The following CHIC2 variants were observed in gnomAD, a reference collection of about 807,000 sequenced individuals.
The protein encoded by CHIC2 is cysteine rich hydrophobic domain 2.
CHIC2 carries 14 observed loss-of-function variants against 25.9 expected under a neutral mutation model. The observed-to-expected ratio is 0.54, with a 90% CI of 0.36 to 0.85. The LOEUF (loss-of-function observed/expected upper bound fraction) is 0.85. Ranked by LOEUF, CHIC2 falls within the 40% of genes least tolerant of loss-of-function variation. The probability of loss-of-function intolerance (pLI) is 0.01; values close to 1 mark genes in which losing one functional copy is unlikely to be tolerated. For missense variants in CHIC2, 146 were observed against 202.0 expected (o/e 0.72, Z 1.68); for synonymous variants, 70 against 72.0 (o/e 0.97, Z 0.14).
At position 54,047,543 on chromosome 4, in the gene CHIC2, G is replaced by A. The variant is rs577504990; in HGVS notation, c.330+1412C>T. Among the ~76,000 whole-genome samples the A allele has an allele frequency of 1.6e-3, 239 of 150,354 alleles. 1 individual carries two copies. In the South Asian group the frequency reaches 0.024, roughly 15 times the overall value. ...AAACCATCATTCTCAGCAAACTATCGCAAGGACAAAAAACCAAACACCGCA... is the reference window on the plus strand; with the variant it reads ...AAACCATCATTCTCAGCAAACTATCACAAGGACAAAAAACCAAACACCGCA... On this transcript the variant is annotated intron_variant, in intron 3 of 5. Transcript: ENST00000263921.
At chr4:54,025,906 A>G (rs1454727689) in intron 3 of CHIC2, among the ~76,000 whole-genome samples, 1 of 152,080 alleles carries the variant, frequency 6.6e-6, no homozygotes, top group African/African-American at 2.4e-5. Context: ...GAAAGGGGTA[A>G]AAGAAAATCA....
intron 3 of CHIC2, among the ~76,000 whole-genome samples, chr4:54,041,752 T>C (rs1387372361): frequency 2.6e-5 from 4 of 152,110 alleles, no homozygotes; most frequent in Non-Finnish European, 5.9e-5. Flanking sequence ...ATGTAAAGCA[T>C]CTAAGAAAGC....
At chr4:54,049,228 T>C in intron 2 of CHIC2, 23 bp downstream of exon 2, 4 of 1,588,180 alleles carry the variant, frequency 2.5e-6, no homozygotes, top group South Asian at 2.3e-5. Context: ...GGCATACAAA[T>C]AGTACATAAA....
chr4:54,043,397 G>A (rs185880676), intron 3 of CHIC2, among the ~76,000 whole-genome samples: 2 of 149,062 alleles, frequency 1.3e-5, no homozygotes, highest in East Asian at 3.9e-4. Flanking sequence ...CTCCAGCCTG[G>A]GCAACAGAGT....
intron 5 of CHIC2, 152 bp from the exon 6 acceptor site, chr4:54,010,297 G>T (rs956851024): frequency 3.4e-6 from 2 of 584,910 alleles, no homozygotes; most frequent in Non-Finnish European, 6.2e-6. Context: ...TGATAATGCA[G>T]AGTTCCATCA....
the CHIC2 span, among the ~76,000 whole-genome samples, chr4:54,077,338 C>T: frequency 6.6e-6 from 1 of 152,192 alleles, no homozygotes; most frequent in Non-Finnish European, 1.5e-5. Context: ...ACCGTCAAAG[C>T]CTTGTAGAAA....
chr4:54,081,384 A>T, the CHIC2 span, among the ~76,000 whole-genome samples: 1 of 152,082 alleles, frequency 6.6e-6, no homozygotes, highest in Non-Finnish European at 1.5e-5. Flanking sequence ...TAATAACATT[A>T]CAAAATGCTT....
At chr4:54,064,769 C>T (rs1353752445), upstream of CHIC2, 13 of 514,596 alleles carry the variant, frequency 2.5e-5, no homozygotes, top group Admixed American at 1.9e-4. This position sits in a 1 kb window ranked among gnomAD's most constrained non-coding sequence, Gnocchi z 4.2. Flanking sequence ...TCCCAGGCCA[C>T]CGTCTTTCCT....
intron 1 of CHIC2, chr4:54,060,615 A>T (rs940068086): frequency 6.6e-6 from 1 of 152,148 alleles, no homozygotes; most frequent in African/African-American, 2.4e-5. Context: ...TTAAATTCTA[A>T]CTTTTAGACT....
intron 1 of CHIC2, 133 bp from the exon 2 acceptor site, chr4:54,049,438 T>C (rs1716936633): frequency 2.0e-6 from 1 of 508,238 alleles, no homozygotes; most frequent in Non-Finnish European, 3.4e-6. Flanking sequence ...AAATGGAAGT[T>C]TGAGATAAAA....
In CHIC2 at chr4:54,058,203, C is replaced by T. The variant is rs370553485; in HGVS notation, c.119+5979G>A. Among the ~76,000 whole-genome samples the T allele has an allele frequency of 2.0e-5, 3 of 152,268 alleles. No homozygotes were observed. In the East Asian group the frequency reaches 5.8e-4, roughly 29 times the overall value. On this transcript the variant is annotated intron_variant, in intron 1 of 5. Transcript: ENST00000263921. Reference sequence around the variant, plus strand: ...AAGAATAACCAAAAAAATGTGCATGCAGGGTTAAACATCAAAATATGTCAT... The same window carrying T: ...AAGAATAACCAAAAAAATGTGCATGTAGGGTTAAACATCAAAATATGTCAT...
chr4:54,071,331 A>G, the CHIC2 span, among the ~76,000 whole-genome samples: 6 of 152,384 alleles, frequency 3.9e-5, no homozygotes, highest in Admixed American at 2.6e-4. Flanking sequence ...TTAGGGATAC[A>G]CAACCTGTAT....
chr4:54,025,491 C>A (rs1013431374), intron 3 of CHIC2, among the ~76,000 whole-genome samples: 1 of 152,160 alleles, frequency 6.6e-6, no homozygotes, highest in South Asian at 2.1e-4. Flanking sequence ...AAATAAACAG[C>A]CTTGTCGCTC....
rs1021838795 is a variant in CHIC2 at position 54,012,835 on chromosome 4, T to A, written c.447+1002A>T. Among the ~76,000 whole-genome samples the A allele has an allele frequency of 1.5e-4, 23 of 152,166 alleles. 1 individual carries two copies. Among genetic ancestry groups the A allele is most frequent in the Non-Finnish European group, 4.4e-5 (3 of 68,000 alleles). On this transcript the variant is annotated intron_variant, in intron 5 of 5. Transcript: ENST00000263921. ...TAAGACATTTTAAAAATATTTTTTA[T>A]GTTCAAGGCTAGAAATAGGATTTGA...
At chr4:54,088,432 C>T in the CHIC2 span, among the ~76,000 whole-genome samples, 2 of 151,988 alleles carry the variant, frequency 1.3e-5, no homozygotes, top group African/African-American at 4.8e-5. Context: ...AAATTTGTTT[C>T]TAAATTTCAA....
At chr4:54,026,241 T>C (rs899676932) in intron 3 of CHIC2, among the ~76,000 whole-genome samples, 9 of 152,034 alleles carry the variant, frequency 5.9e-5, no homozygotes, top group Non-Finnish European at 1.2e-4. Flanking sequence ...ATTTTTTTGT[T>C]TTTTTTTGTT....
chr4:54,055,092 G>C (rs912467457), intron 1 of CHIC2, among the ~76,000 whole-genome samples: 1 of 151,962 alleles, frequency 6.6e-6, no homozygotes, highest in Non-Finnish European at 1.5e-5. Flanking sequence ...TTGTATAAGA[G>C]GAGAGGCAAA....
Position 54,043,192 on chromosome 4 carries a change from C to A in CHIC2, c.330+5763G>T, listed in dbSNP as rs1016860411. On this transcript the variant is annotated intron_variant, in intron 3 of 5. Coordinates refer to ENST00000263921, the MANE Select transcript of CHIC2 (RefSeq NM_012110.4). ...ATCCCAGCACTTTGGGAGGCCGAGG[C>A]GGATGGATCACGAGGTCAGGAGATT... Among the ~76,000 whole-genome samples the A allele has an allele frequency of 4.6e-5, 7 of 151,984 alleles. 1 individual carries two copies. The South Asian group carries it at 1.2e-3, about 27-fold the overall frequency.
At chr4:54,070,496 C>T in the CHIC2 span, among the ~76,000 whole-genome samples, 5 of 152,098 alleles carry the variant, frequency 3.3e-5, no homozygotes, top group African/African-American at 1.2e-4. Flanking sequence ...AATCTCGGCT[C>T]ACTACAACCT....
Sources: gnomAD v4.1 joint callset for allele counts (sites outside exome capture counted in the v4.1 genomes callset) on GRCh38, gnomAD v4.1.1 for gene constraint, Gnocchi (gnomAD v3.1) non-coding constraint, MANE v1.5 for transcripts, NCBI Gene and HGNC (gene_info 2026-07-23, HGNC 2026-07-21) for gene names.